THAP9: variants seen among roughly 807,000 people sequenced by gnomAD.
THAP9 encodes DNA transposase THAP9.
THAP9 carries 20 observed loss-of-function variants against 35.7 expected under a neutral mutation model. The observed-to-expected ratio is 0.56, with a 90% CI of 0.39 to 0.81. The LOEUF is 0.81. Among genes scored for constraint, THAP9 ranks in the 40% least tolerant of loss-of-function variants. The pLI is 0.00. For synonymous variants in THAP9, 335 were observed against 373.7 expected (o/e 0.90, Z 1.19); for missense variants, 870 against 1,047.4 (o/e 0.83, Z 2.34).
At chr4:82,910,731 T>TCACAATCTCCTGG in intron 4 of THAP9, 1 of 524,388 alleles carries the variant, frequency 1.9e-6, no homozygotes, top group Non-Finnish European at 3.4e-6. Context: ...AACCAGGAGA[T>TCACAATCTCCTGG]TGTGATGGCC....
intron 3 of THAP9, 92 bp downstream of exon 3, chr4:82,906,719 A>T: frequency 7.9e-7 from 1 of 1,269,622 alleles, no homozygotes; most frequent in Non-Finnish European, 1.1e-6. Flanking sequence ...CTATGAAAAC[A>T]TGCTTTCAGT....
At chr4:82,908,312 A>AT (rs1720735624) in intron 4 of THAP9, among the ~76,000 whole-genome samples, 1 of 152,172 alleles carries the variant, frequency 6.6e-6, no homozygotes, top group Non-Finnish European at 1.5e-5. Flanking sequence ...GTAGTTTAAT[A>AT]TCTGACGATC....
chr4:82,902,105 C>CTTTTTTTTTTTTT (rs768693634), intron 1 of THAP9, among the ~76,000 whole-genome samples: 2 of 104,498 alleles, frequency 1.9e-5, no homozygotes, highest in Non-Finnish European at 3.5e-5. Context: ...CATTTTCCTT[C>CTTTTTTTTTTTTT]TTTTTTTTTT....
chr4:82,911,517 C>A lies in THAP9; in HGVS notation c.731+3582C>A, dbSNP rs1471815928. Among the ~76,000 whole-genome samples, 3 of 152,238 alleles carry A rather than the reference C, an allele frequency of 2.0e-5. No homozygotes were observed. In the East Asian group the frequency reaches 5.8e-4, roughly 29 times the overall value. ...GCTGAGGCAGGAGAATGGTGTAAAC[C>A]CAGGAGGCGGAGCTTGCAGTGAGCC... is the stretch of plus-strand genomic sequence containing the variant. On this transcript the variant is annotated intron_variant, in intron 4 of 4. Transcript: ENST00000302236.
chr4:82,913,881 C>G (rs1720951859), intron 4 of THAP9, among the ~76,000 whole-genome samples: 1 of 151,804 alleles, frequency 6.6e-6, no homozygotes, highest in South Asian at 2.1e-4. Context: ...GGATTATAGG[C>G]ACACACCACT....
chr4:82,913,937 G>C (rs772234979), intron 4 of THAP9, among the ~76,000 whole-genome samples: 1 of 151,710 alleles, frequency 6.6e-6, no homozygotes, highest in African/African-American at 2.4e-5. Flanking sequence ...GGGTTTCACC[G>C]TATTGGCCAG....
At chr4:82,900,905 A>C (rs935632165) in intron 1 of THAP9, 23 bp downstream of exon 1, 1 of 1,612,210 alleles carries the variant, frequency 6.2e-7, no homozygotes, top group Non-Finnish European at 8.5e-7. Context: ...GCAGCCTCGA[A>C]GCCTTCGAAC....
Position 82,918,230 on chromosome 4 carries a change from C to A in THAP9, c.2018C>A (p.Thr673Lys). Reference protein sequence around the residue: ...IARRKDLALWTVQRQYGVSVT... With the variant: ...IARRKDLALWKVQRQYGVSVT... ...CGAAGGAAAGACTTGGCGCTTTGGA[C>A]AGTTCAACGTCAGTATGGTGTCAGC... The change falls in exon 5 of 5, where the codon ACA becomes AAA. Residue 673 changes from threonine to lysine, a missense_variant. By Grantham distance (78) the Thr-to-Lys change is moderately conservative. Transcript: ENST00000302236. 6.2e-7 allele frequency: 1 copy of A among 1,614,178 alleles called. No homozygotes were observed. The highest frequency in any genetic ancestry group is 8.5e-7 in the Non-Finnish European group (1 of 1,180,020).
rs1232128272 is a variant in THAP9, at chr4:82,906,538, A to C, written c.491A>C (p.Lys164Thr). Residue 164 changes from lysine (K) to threonine (T), a missense_variant, in exon 3 of 5, where the codon AAG (lysine) becomes ACG (threonine). Coordinates refer to ENST00000302236, the MANE Select transcript of THAP9 (RefSeq NM_024672.6). ...GTAAAGAACTACAGGATGATCAAGA[A>C]GAGAAAGGGTTTACGATTAATTGAT... Reference protein sequence around the residue: ...ISVKNYRMIKKRKGLRLIDAL... With the variant: ...ISVKNYRMIKTRKGLRLIDAL... 1 of 1,613,838 alleles carries C rather than the reference A, an allele frequency of 6.2e-7. No individual in the cohort carries two copies. The highest frequency in any genetic ancestry group is 2.2e-5 in the East Asian group (1 of 44,844).
At position 82,904,927 on chromosome 4, in the gene THAP9, A is replaced by G; in HGVS notation, c.272A>G (p.Tyr91Cys). 1.9e-6 allele frequency: 3 copies of G among 1,613,712 alleles called. No individual in the cohort carries two copies. The highest frequency in any genetic ancestry group is 1.1e-5 in the South Asian group (1 of 91,058). The change falls in exon 2 of 5, where the codon TAC (tyrosine) becomes TGC (cysteine). Residue 91 changes from tyrosine (Y) to cysteine (C), a missense_variant. This residue lies in a region of THAP9 where 440 missense variants were observed against 501.2 expected (regional missense o/e 0.88). Coordinates refer to ENST00000302236, the MANE Select transcript of THAP9 (RefSeq NM_024672.6). Reference protein sequence around the residue: ...KKGAVPSVSLYKIPQGVHLKG... With the variant: ...KKGAVPSVSLCKIPQGVHLKG... Reference sequence around the variant, plus strand: ...GGAGCTGTGCCTTCTGTTTCTCTATACAAGGTATTTAAATGTAGGTGTAAG... The same window carrying G: ...GGAGCTGTGCCTTCTGTTTCTCTATGCAAGGTATTTAAATGTAGGTGTAAG...
At chr4:82,910,687 T>A in intron 4 of THAP9, 1 of 573,226 alleles carries the variant, frequency 1.7e-6, no homozygotes, top group Non-Finnish European at 2.9e-6. Context: ...AATAAATATT[T>A]ATTGATCAGG....
intron 4 of THAP9, among the ~76,000 whole-genome samples, chr4:82,912,471 A>AT (rs1325955785): frequency 2.6e-5 from 4 of 152,226 alleles, no homozygotes; most frequent in Non-Finnish European, 4.4e-5. Flanking sequence ...CCCAGGCAGA[A>AT]TTTTAGGCCA....
chr4:82,910,774 G>A, intron 4 of THAP9: 1 of 454,054 alleles, frequency 2.2e-6, no homozygotes, highest in Non-Finnish European at 4.4e-6. Flanking sequence ...TTTCAAGGAG[G>A]GAGTAGTCCA....
In THAP9 at chr4:82,918,589, A is replaced by G. The variant is rs748602582; in HGVS notation, c.2377A>G (p.Lys793Glu). 5.0e-5 allele frequency: 80 copies of G among 1,614,076 alleles called. No individual in the cohort carries two copies. The highest frequency in any genetic ancestry group is 6.7e-5 in the Non-Finnish European group (79 of 1,179,962). Residue 793 changes from lysine to glutamate, a missense_variant, in exon 5 of 5, where the codon AAA (lysine) becomes GAA (glutamate). By Grantham distance (56) the Lys-to-Glu change is moderately conservative. Transcript: ENST00000302236. ...AATGGCAATTTTTGAACTAGTTTCT[A>G]AACAAAGGGAATTGTATCTTCAACA... ...SRMAIFELVS[K>E]QRELYLQQKI...
At chr4:82,903,829 G>A (rs1720525267) in intron 1 of THAP9, among the ~76,000 whole-genome samples, 1 of 152,148 alleles carries the variant, frequency 6.6e-6, no homozygotes, top group South Asian at 2.1e-4. Flanking sequence ...CATGGCCTTT[G>A]ACTGGAGGCC....
At chr4:82,912,998 A>G (rs1385971897) in intron 4 of THAP9, among the ~76,000 whole-genome samples, 1 of 152,214 alleles carries the variant, frequency 6.6e-6, no homozygotes, top group East Asian at 1.9e-4. Flanking sequence ...CTAGGTATGT[A>G]TACATAAAGA....
Position 82,917,733 on chromosome 4 carries a change from C to T in THAP9, c.1521C>T (p.Thr507=), listed in dbSNP as rs1721087969. 6.2e-7 allele frequency: 1 copy of T among 1,613,782 alleles called. No individual in the cohort carries two copies. The highest frequency in any genetic ancestry group is 1.1e-5 in the South Asian group (1 of 91,046). The change falls in exon 5 of 5, where the codon ACC becomes ACT. Residue 507 remains threonine, a synonymous_variant. Coordinates refer to ENST00000302236, the MANE Select transcript of THAP9 (RefSeq NM_024672.6). The part of the protein sequence containing the change: ...DLPPFQNCIG[T]IHFLRLINNL... ...CACCTTTTCAAAACTGTATTGGTAC[C>T]ATCCATTTTTTACGTTTAATTAACA...
chr4:82,906,399 G>A lies in THAP9; in HGVS notation c.352G>A (p.Glu118Lys), dbSNP rs1720648255. The change falls in exon 3 of 5, where the codon GAA becomes AAA. Residue 118 changes from glutamate to lysine, a missense_variant. Physicochemically the swap from Glu to Lys is moderately conservative, Grantham distance 56. Around this residue, in one of 3 missense-constraint regions of THAP9, gnomAD observed 440 missense variants for 501.2 expected, o/e 0.88. Coordinates refer to ENST00000302236, the MANE Select transcript of THAP9 (RefSeq NM_024672.6). Reference protein sequence around the residue: ...LKQPLPDNSQEVATEDHNYSL... With the variant: ...LKQPLPDNSQKVATEDHNYSL... Reference sequence around the variant, plus strand: ...ACAACCTCTTCCAGACAATTCTCAAGAAGTTGCTACTGAGGACCATAACTA... The same window carrying A: ...ACAACCTCTTCCAGACAATTCTCAAAAAGTTGCTACTGAGGACCATAACTA... 6.2e-7 allele frequency: 1 copy of A among 1,613,468 alleles called. No homozygotes were observed.
chr4:82,912,769 G>A (rs568454026), intron 4 of THAP9, among the ~76,000 whole-genome samples: 150 of 152,306 alleles, frequency 9.8e-4, no homozygotes, highest in African/African-American at 3.4e-3. Context: ...GGGTGCACAT[G>A]CGTGCATATA....
Sources: gnomAD v4.1 joint callset for allele counts (sites outside exome capture counted in the v4.1 genomes callset) on GRCh38, gnomAD v4.1.1 for gene constraint, gnomAD v4.1.1 regional missense constraint, MANE v1.5 for transcripts, NCBI Gene and HGNC (gene_info 2026-07-23, HGNC 2026-07-21) for gene names.